NUBPL: variants seen among roughly 807,000 people sequenced by gnomAD.
The protein encoded by NUBPL is iron-sulfur cluster transfer protein NUBPL.
Under a neutral mutation model 45.7 loss-of-function variants are expected in NUBPL, and 31 were observed. The ratio of observed to expected loss-of-function variants is 0.68; its 90% CI spans 0.51 to 0.92. NUBPL has a LOEUF of 0.92. NUBPL is among the 40% of genes least tolerant of loss of function. The pLI, the probability that NUBPL is intolerant of heterozygous loss-of-function variation, is 0.00. For missense variants in NUBPL, 401 were observed against 398.7 expected, an observed-to-expected ratio of 1.01 and a Z score of -0.05; for synonymous variants, 144 against 140.9, an observed-to-expected ratio of 1.02 and a Z score of -0.15.
chr14:31,668,939 C>T (rs1226598496), intron 4 of NUBPL, among the ~76,000 whole-genome samples: 1 of 152,230 alleles, frequency 6.6e-6, no homozygotes, highest in Non-Finnish European at 1.5e-5. Flanking sequence ...ATCCTGCCTT[C>T]TGCATTGGTC....
At position 31,650,915 on chromosome 14, in the gene NUBPL, G is replaced by T. The variant is rs560357308; in HGVS notation, c.383-22440G>T. Among the ~76,000 whole-genome samples the T allele has an allele frequency of 8.5e-5, 13 of 152,194 alleles. No homozygotes were observed. The South Asian group carries it at 1.4e-3, about 17-fold the overall frequency. On this transcript the variant is annotated intron_variant, in intron 4 of 10. Transcript: ENST00000281081. ...GGGTGGAATCAAGGAGGGCAGCAAG[G>T]TGCCAGGCTCTTTTTTAACAACCAG... is the stretch of plus-strand genomic sequence containing the variant.
intron 6 of NUBPL, among the ~76,000 whole-genome samples, chr14:31,689,208 G>A (rs1479207614): frequency 2.6e-5 from 4 of 152,164 alleles, no homozygotes; most frequent in African/African-American, 7.2e-5. Context: ...TGGGTTGAAT[G>A]GTAGTTTTGT....
intron 3 of NUBPL, among the ~76,000 whole-genome samples, chr14:31,567,768 C>T (rs1287662089): frequency 3.9e-5 from 6 of 152,118 alleles, no homozygotes; most frequent in Admixed American, 2.6e-4. Flanking sequence ...TGGCTGTTGA[C>T]CAGCAGAATC....
chr14:31,846,494 G>T lies in NUBPL; in HGVS notation c.717G>T (p.Met239Ile). ...AGGTCCTTGGCCTTGTCCAAAACAT[G>T]AGTGTTTTCCAGTGTCCAAAATGTA... ...HVPVLGLVQN[M>I]SVFQCPKCKH... is the part of the protein sequence containing the mutation. The change falls in exon 9 of 11, where the codon ATG becomes ATT. Residue 239 changes from methionine to isoleucine, a missense_variant. Met to Ile is a conservative substitution (Grantham distance 10). Transcript: ENST00000281081. The T allele has an allele frequency of 6.2e-7, 1 of 1,612,628 alleles. No homozygotes were observed. The highest frequency in any genetic ancestry group is 2.2e-5 in the East Asian group (1 of 44,826).
At chr14:31,638,905 G>A (rs184812326) in intron 4 of NUBPL, among the ~76,000 whole-genome samples, 1 of 151,998 alleles carries the variant, frequency 6.6e-6, no homozygotes, top group East Asian at 1.9e-4. Flanking sequence ...CATTCTTCAC[G>A]TAGTTCTTGA....
At chr14:31,770,519 T>C (rs1306091816) in intron 6 of NUBPL, among the ~76,000 whole-genome samples, 1 of 152,182 alleles carries the variant, frequency 6.6e-6, no homozygotes, top group Admixed American at 6.5e-5. Context: ...GGTTCTACAA[T>C]AGCGATGTTA....
intron 7 of NUBPL, among the ~76,000 whole-genome samples, chr14:31,809,123 T>C (rs190193181): frequency 4.6e-5 from 7 of 152,360 alleles, no homozygotes; most frequent in Admixed American, 1.3e-4. Context: ...AGGATGATGC[T>C]GGCCTCATAA....
chr14:31,747,897 G>A (rs1324726367), intron 6 of NUBPL, among the ~76,000 whole-genome samples: 1 of 151,834 alleles, frequency 6.6e-6, no homozygotes, highest in Non-Finnish European at 1.5e-5. Flanking sequence ...AATATGTTAG[G>A]TATTTGAAAT....
intron 4 of NUBPL, among the ~76,000 whole-genome samples, chr14:31,617,632 G>T (rs4981864): frequency 0.45 from 69,079 of 152,070 alleles, 17,156 homozygotes; most frequent in East Asian, 0.6. Flanking sequence ...AAGCTGACTT[G>T]ATCTTGGTAG....
At chr14:31,598,879 A>G (rs1419285814) in intron 3 of NUBPL, among the ~76,000 whole-genome samples, 2 of 152,146 alleles carry the variant, frequency 1.3e-5, no homozygotes, top group South Asian at 2.1e-4. Context: ...AAGCTTTCCA[A>G]AAGTTAATGT....
At chr14:31,824,664 T>C (rs1187183487) in intron 7 of NUBPL, among the ~76,000 whole-genome samples, 2 of 152,192 alleles carry the variant, frequency 1.3e-5, no homozygotes, top group Non-Finnish European at 2.9e-5. Context: ...AACTTAGTTC[T>C]CCTACCACTT....
At chr14:31,788,111 G>A (rs2039316626) in intron 7 of NUBPL, among the ~76,000 whole-genome samples, 2 of 152,142 alleles carry the variant, frequency 1.3e-5, no homozygotes, top group Non-Finnish European at 2.9e-5. Context: ...TTGTTCTTGG[G>A]AGAAAGAATT....
intron 8 of NUBPL, among the ~76,000 whole-genome samples, chr14:31,830,195 C>T (rs1217521475): frequency 6.6e-6 from 1 of 152,102 alleles, no homozygotes; most frequent in Non-Finnish European, 1.5e-5. Flanking sequence ...ACTTTTAATT[C>T]AACAAATGTG....
At chr14:31,622,610 G>A (rs1464490563) in intron 4 of NUBPL, among the ~76,000 whole-genome samples, 2 of 152,208 alleles carry the variant, frequency 1.3e-5, no homozygotes, top group Admixed American at 6.5e-5. Flanking sequence ...CTCCAGCTGT[G>A]GCTAAAAGAC....
Position 31,808,048 on chromosome 14 carries a change from A to G in NUBPL, c.608-18581A>G, listed in dbSNP as rs148900770. 1.9e-3 allele frequency among the ~76,000 whole-genome samples: 295 copies of G among 152,318 alleles called. 1 individual carries two copies. Among genetic ancestry groups the G allele is most frequent in the Non-Finnish European group, 3.0e-3 (205 of 68,034 alleles). ...TATCCTTGTACTACAGTTTGAAGTC[A>G]GGTGGCGTGATGCCTCCAACTTCGT... On this transcript the variant is annotated intron_variant, in intron 7 of 10. Transcript: ENST00000281081.
chr14:31,840,020 T>C (rs8023131), intron 8 of NUBPL, among the ~76,000 whole-genome samples: 91,985 of 152,000 alleles, frequency 0.61, 30,267 homozygotes, highest in African/African-American at 0.89. Flanking sequence ...TAAATTAATA[T>C]AGCCATTAAG....
intron 6 of NUBPL, among the ~76,000 whole-genome samples, chr14:31,765,985 G>A (rs890489132): frequency 6.6e-6 from 1 of 152,142 alleles, no homozygotes; most frequent in Non-Finnish European, 1.5e-5. Context: ...TAGTTTAAAA[G>A]GACAGTTGTC....
chr14:31,691,303 T>C (rs1470091759), intron 6 of NUBPL, among the ~76,000 whole-genome samples: 1 of 152,236 alleles, frequency 6.6e-6, no homozygotes, highest in Non-Finnish European at 1.5e-5. Context: ...AATAACATTT[T>C]CTTTTCTCTA....
chr14:31,737,635 T>C (rs550076776), intron 6 of NUBPL, among the ~76,000 whole-genome samples: 5 of 152,136 alleles, frequency 3.3e-5, no homozygotes, highest in Non-Finnish European at 5.9e-5. Context: ...GCAAAAAAAA[T>C]TAGCCGGGCA....
Sources: allele counts gnomAD v4.1 joint callset (sites outside exome capture counted in the v4.1 genomes callset), GRCh38; gene constraint gnomAD v4.1.1; transcripts MANE v1.5; gene names NCBI Gene and HGNC (gene_info 2026-07-23, HGNC 2026-07-21).